LPP: variants seen among roughly 807,000 people sequenced by gnomAD.
The protein encoded by LPP is LIM domain containing preferred translocation partner in lipoma.
In LPP, 38 loss-of-function variants were observed where a neutral mutation model predicts 60.4. The observed-to-expected ratio is 0.63, with a 90% CI of 0.49 to 0.83. The LOEUF is 0.83. LPP is among the 40% of genes least tolerant of loss of function. The pLI, the probability that LPP is intolerant of heterozygous loss-of-function variation, is 0.00. For missense variants in LPP, 902 were observed against 783.6 expected, an observed-to-expected ratio of 1.15 and a Z score of -1.80; for synonymous variants, 328 against 290.8, an observed-to-expected ratio of 1.13 and a Z score of -1.30.
Position 188,880,532 on chromosome 3 carries a change from C to T in LPP, c.*6053C>T. 1 of 188,370 alleles carries T rather than the reference C, an allele frequency of 5.3e-6. No individual in the cohort carries two copies. The highest frequency in any genetic ancestry group is 6.2e-5 in the Admixed American group (1 of 16,188). The allele number at this position is 188,370 out of a possible 1,614,324, so 11.7% of individuals were successfully genotyped here. A position where few individuals can be genotyped will look rare whatever the true frequency, so the allele number is the denominator to read the frequency against. ...TATACTAGAGAGGGGTGAAACACTG[C>T]AGCTAATTCCTTTATAATACTTTCA... On this transcript the variant is annotated 3_prime_UTR_variant, in exon 12 of 12. Coordinates refer to ENST00000617246, the MANE Select transcript of LPP (RefSeq NM_001375462.1).
At chr3:188,202,708 T>G (rs1255272236) in intron 1 of LPP, among the ~76,000 whole-genome samples, 5 of 152,222 alleles carry the variant, frequency 3.3e-5, no homozygotes, top group African/African-American at 1.2e-4. Context: ...TTGGTCCCTT[T>G]TCCTTCTTTT....
chr3:188,480,355 G>T (rs960222030), intron 4 of LPP, among the ~76,000 whole-genome samples: 6 of 152,180 alleles, frequency 3.9e-5, no homozygotes, highest in Non-Finnish European at 8.8e-5. Context: ...AATGATTTGG[G>T]TTCACATGGA....
At chr3:188,175,777 C>T (rs1415946761) in intron 1 of LPP, among the ~76,000 whole-genome samples, 2 of 152,094 alleles carry the variant, frequency 1.3e-5, no homozygotes, top group African/African-American at 4.8e-5. Context: ...ACTCCTTTTC[C>T]AATTTTTAAA....
At chr3:188,377,618 TC>T (rs1775543963) in intron 3 of LPP, among the ~76,000 whole-genome samples, 2 of 152,200 alleles carry the variant, frequency 1.3e-5, no homozygotes, top group Non-Finnish European at 2.9e-5. Context: ...TAATTTTTTT[TC>T]AAAGCTTTTA....
chr3:188,235,560 G>A (rs1721597747), intron 2 of LPP, among the ~76,000 whole-genome samples: 1 of 152,048 alleles, frequency 6.6e-6, no homozygotes, highest in Non-Finnish European at 1.5e-5. Context: ...TTAAAATGAA[G>A]GCTCTTTGGA....
At chr3:188,647,486 GT>G (rs1851329285) in intron 7 of LPP, among the ~76,000 whole-genome samples, 1 of 152,148 alleles carries the variant, frequency 6.6e-6, no homozygotes, top group Non-Finnish European at 1.5e-5. Context: ...GACTTAGCGT[GT>G]TTATACCTCA....
Position 188,777,435 on chromosome 3 carries a change from G to A in LPP, c.1410+17153G>A, listed in dbSNP as rs116604541. On this transcript the variant is annotated intron_variant, in intron 9 of 11. Transcript: ENST00000617246. ...ATTGGGGGTATGAAATTGCAAAAGA[G>A]AGAATCATCAGTATTTGGGAAACTC... 2.8e-3 allele frequency among the ~76,000 whole-genome samples: 428 copies of A among 152,222 alleles called. 2 individuals are homozygous for A. Among genetic ancestry groups the A allele is most frequent in the African/African-American group, 9.3e-3 (385 of 41,550 alleles).
At chr3:188,208,815 C>A (rs575440475) in intron 1 of LPP, among the ~76,000 whole-genome samples, 3 of 152,218 alleles carry the variant, frequency 2.0e-5, no homozygotes, top group Non-Finnish European at 4.4e-5. Flanking sequence ...GACATAACCC[C>A]GTAGAACATC....
At chr3:188,259,705 C>T (rs1210883779) in intron 2 of LPP, among the ~76,000 whole-genome samples, 1 of 152,146 alleles carries the variant, frequency 6.6e-6, no homozygotes, top group Non-Finnish European at 1.5e-5. Context: ...GTATGTGTTA[C>T]TTTGTTCAAT....
intron 4 of LPP, among the ~76,000 whole-genome samples, chr3:188,430,097 A>T (rs1790515711): frequency 2.0e-5 from 3 of 152,192 alleles, no homozygotes. Context: ...ATTGATTAGG[A>T]CAAATAGGGT....
intron 2 of LPP, among the ~76,000 whole-genome samples, chr3:188,252,035 T>G (rs1729831407): frequency 9.1e-5 from 2 of 21,996 alleles, no homozygotes; most frequent in African/African-American, 2.1e-4. Flanking sequence ...AATCCTGATA[T>G]ATATATATAT....
At chr3:188,406,634 G>C (rs1783567111) in intron 4 of LPP, among the ~76,000 whole-genome samples, 1 of 152,128 alleles carries the variant, frequency 6.6e-6, no homozygotes, top group Non-Finnish European at 1.5e-5. Flanking sequence ...CTCTTGTAGG[G>C]TTTTAGCTAC....
intron 5 of LPP, among the ~76,000 whole-genome samples, chr3:188,515,422 C>CAG (rs1159185036): frequency 2.6e-5 from 4 of 152,188 alleles, no homozygotes; most frequent in African/African-American, 9.7e-5. Context: ...CCTGCATAGT[C>CAG]ATGAGCCAAT....
chr3:188,866,393 C>A lies in LPP; in HGVS notation c.1589+15C>A. On this transcript the variant is annotated intron_variant, in intron 10 of 11. Transcript: ENST00000617246. ...GACTTCCACAAGTAGGCAACCTACTCTCTCGTCACCACCCTGCCAGTCCTT... is the reference window on the plus strand; with the variant it reads ...GACTTCCACAAGTAGGCAACCTACTATCTCGTCACCACCCTGCCAGTCCTT... 7.0e-7 allele frequency: 1 copy of A among 1,434,138 alleles called. No individual in the cohort carries two copies. Among genetic ancestry groups the A allele is most frequent in the Non-Finnish European group, 9.3e-7 (1 of 1,079,982 alleles). 88.8% of individuals were successfully genotyped at this position (1,434,138 alleles called of 1,614,324 possible).
chr3:188,477,203 C>A (rs1324511008), intron 4 of LPP, among the ~76,000 whole-genome samples: 1 of 152,184 alleles, frequency 6.6e-6, no homozygotes, highest in African/African-American at 2.4e-5. Flanking sequence ...ACATTCTGAT[C>A]CTTTGCTTTA....
chr3:188,347,770 G>A (rs1764778657), intron 3 of LPP, among the ~76,000 whole-genome samples: 1 of 152,192 alleles, frequency 6.6e-6, no homozygotes, highest in Non-Finnish European at 1.5e-5. Context: ...AGTGTGTGGG[G>A]GGGCCAGAAG....
chr3:188,236,430 C>A (rs1049687112), intron 2 of LPP, among the ~76,000 whole-genome samples: 11 of 152,060 alleles, frequency 7.2e-5, no homozygotes, highest in Admixed American at 5.9e-4. Context: ...ATAACCTGAC[C>A]TGAAGCATGC....
chr3:188,778,513 G>T (rs566743065), intron 9 of LPP, among the ~76,000 whole-genome samples: 1 of 152,266 alleles, frequency 6.6e-6, no homozygotes, highest in East Asian at 1.9e-4. Flanking sequence ...CCCTGCTGTA[G>T]ATAGGATCTC....
chr3:188,835,224 G>T (rs6788159), intron 9 of LPP, among the ~76,000 whole-genome samples: 1 of 151,446 alleles, frequency 6.6e-6, no homozygotes, highest in Non-Finnish European at 1.5e-5. Context: ...TTTGGAGGCC[G>T]AGGGGGGCAG....
Sources: gnomAD v4.1 joint callset for allele counts (sites outside exome capture counted in the v4.1 genomes callset) on GRCh38, gnomAD v4.1.1 for gene constraint, MANE v1.5 for transcripts, NCBI Gene and HGNC (gene_info 2026-07-23, HGNC 2026-07-21) for gene names.